Variants in FGGY observed in about 807,000 individuals in gnomAD.
The protein encoded by FGGY is FGGY carbohydrate kinase domain-containing protein.
A neutral mutation model predicts 71.3 loss-of-function variants in FGGY; 72 were observed. The observed-to-expected ratio is 1.01, with a 90% confidence interval of 0.84 to 1.23. The LOEUF (loss-of-function observed/expected upper bound fraction) is 1.23. Ranked by LOEUF, FGGY falls within the 50% of genes most tolerant of loss-of-function variation. The pLI is 0.00. For synonymous variants in FGGY, 251 were observed against 250.3 expected, an observed-to-expected ratio of 1.00 and a Z score of -0.02; for missense variants, 668 against 682.3, an observed-to-expected ratio of 0.98 and a Z score of 0.23.
intron 9 of FGGY, among the ~76,000 whole-genome samples, chr1:59,611,861 T>A (rs2096684921): frequency 6.6e-6 from 1 of 152,174 alleles, no homozygotes; most frequent in African/African-American, 2.4e-5. Context: ...TGCACAAGCC[T>A]CAGTAGCCGA....
chr1:59,726,509 C>G (rs2097949771), intron 14 of FGGY, among the ~76,000 whole-genome samples: 2 of 151,930 alleles, frequency 1.3e-5, no homozygotes, highest in African/African-American at 4.8e-5. Flanking sequence ...GGTATAATTT[C>G]TTCCTTAAAT....
intron 9 of FGGY, among the ~76,000 whole-genome samples, chr1:59,611,376 T>A (rs1486760099): frequency 1.3e-5 from 2 of 152,116 alleles, no homozygotes; most frequent in Non-Finnish European, 2.9e-5. Flanking sequence ...CAGCCTCCAC[T>A]GGTGATACTC....
At chr1:59,532,683 G>A (rs952221781) in intron 7 of FGGY, among the ~76,000 whole-genome samples, 1 of 151,650 alleles carries the variant, frequency 6.6e-6, no homozygotes, top group Non-Finnish European at 1.5e-5. Flanking sequence ...TATCAACAAA[G>A]AAAAAAACAT....
At chr1:59,570,421 C>T (rs72917774) in intron 8 of FGGY, among the ~76,000 whole-genome samples, 2 of 152,214 alleles carry the variant, frequency 1.3e-5, no homozygotes, top group Non-Finnish European at 2.9e-5. Context: ...CAGTTCCTGC[C>T]AGATTTGGAG....
In FGGY at chr1:59,624,303, G is replaced by A. The variant is rs6674840; in HGVS notation, c.1012-1685G>A. 7.6e-3 allele frequency among the ~76,000 whole-genome samples: 1,161 copies of A among 152,178 alleles called. 17 individuals are homozygous for A. The highest frequency in any genetic ancestry group is 0.027 in the African/African-American group (1,105 of 41,522). The stretch of plus-strand genomic sequence containing the variant: ...CTGCAGTTTGAGACCTAGATTTGTC[G>A]TTACTTTACTGTGACCTTGGGCAAG... On this transcript the variant is annotated intron_variant, in intron 9 of 15. Transcript: ENST00000303721.
At chr1:59,346,947 CTTTT>C (rs71580898) in intron 4 of FGGY, among the ~76,000 whole-genome samples, 1 of 112,192 alleles carries the variant, frequency 8.9e-6, no homozygotes, top group East Asian at 2.5e-4. Context: ...AAAATCAATT[CTTTT>C]TTTTTTTTTT....
At chr1:59,479,803 A>G (rs1256957578) in intron 6 of FGGY, among the ~76,000 whole-genome samples, 1 of 152,216 alleles carries the variant, frequency 6.6e-6, no homozygotes, top group African/African-American at 2.4e-5. Flanking sequence ...TGAATTTATT[A>G]TAAATCTGCC....
intron 14 of FGGY, among the ~76,000 whole-genome samples, chr1:59,738,250 G>C (rs968516782): frequency 7.2e-5 from 11 of 152,192 alleles, no homozygotes; most frequent in Admixed American, 2.6e-4. Flanking sequence ...TGTCTGAAGA[G>C]ATCTATGCTG....
At position 59,716,817 on chromosome 1, in the gene FGGY, C is replaced by T. The variant is rs533322760; in HGVS notation, c.1513-41114C>T. Among the ~76,000 whole-genome samples the T allele has an allele frequency of 5.3e-5, 8 of 152,210 alleles. No homozygotes were observed. The East Asian group carries it at 1.3e-3, about 26-fold the overall frequency. On this transcript the variant is annotated intron_variant, in intron 14 of 15. Transcript: ENST00000303721. ...TAAAAAGGAGAGGCTCAGATTCAGGCATGATGGAAGCGGGAAAAGGAACCA... is the reference window on the plus strand; with the variant it reads ...TAAAAAGGAGAGGCTCAGATTCAGGTATGATGGAAGCGGGAAAAGGAACCA...
intron 4 of FGGY, among the ~76,000 whole-genome samples, chr1:59,352,387 C>G (rs1570835667): frequency 6.6e-6 from 1 of 152,292 alleles, no homozygotes; most frequent in Non-Finnish European, 1.5e-5. Context: ...GTCAGCAGAG[C>G]AGAAAGCTAA....
intron 12 of FGGY, among the ~76,000 whole-genome samples, chr1:59,664,117 A>G (rs531482846): frequency 1.3e-5 from 2 of 152,344 alleles, no homozygotes; most frequent in South Asian, 4.1e-4. Flanking sequence ...TGCAGAACAG[A>G]CCCTTAAAAG....
At chr1:59,523,148 C>T (rs2094883168) in intron 7 of FGGY, among the ~76,000 whole-genome samples, 1 of 152,174 alleles carries the variant, frequency 6.6e-6, no homozygotes, top group Admixed American at 6.5e-5. Flanking sequence ...GGAGGACTTC[C>T]TACTCCAAGT....
chr1:59,694,287 TTAAATAAATAAATAAATAAA>T (rs10590302), intron 14 of FGGY, among the ~76,000 whole-genome samples: 6,549 of 143,766 alleles, frequency 0.046, 503 homozygotes, highest in African/African-American at 0.16. Context: ...AGACTCCGTC[TTAAATAAATAAATAAATAAA>T]TAAATAAATA....
chr1:59,703,784 T>A (rs1253425535), intron 14 of FGGY, among the ~76,000 whole-genome samples: 1 of 152,214 alleles, frequency 6.6e-6, no homozygotes, highest in Non-Finnish European at 1.5e-5. Flanking sequence ...CATTTGACTT[T>A]GCTTTCCCCT....
At chr1:59,431,335 C>T (rs1265849990) in intron 5 of FGGY, among the ~76,000 whole-genome samples, 1 of 152,206 alleles carries the variant, frequency 6.6e-6, no homozygotes, top group Non-Finnish European at 1.5e-5. Flanking sequence ...CTCCCTGACT[C>T]TCCAGTCTTA....
intron 7 of FGGY, among the ~76,000 whole-genome samples, chr1:59,550,688 G>C (rs2095595459): frequency 6.6e-6 from 1 of 152,162 alleles, no homozygotes; most frequent in African/African-American, 2.4e-5. Flanking sequence ...CAGAATTGGG[G>C]CTGAAACTCT....
chr1:59,301,257 T>A (rs1097235), intron 1 of FGGY, among the ~76,000 whole-genome samples: 3,075 of 152,326 alleles, frequency 0.02, 103 homozygotes, highest in African/African-American at 0.071. Context: ...TTATGTATTT[T>A]AAAAATTTAT....
At chr1:59,551,398 C>A (rs980120578) in intron 7 of FGGY, among the ~76,000 whole-genome samples, 3 of 152,150 alleles carry the variant, frequency 2.0e-5, no homozygotes, top group African/African-American at 7.2e-5. Context: ...TATTGACTGA[C>A]CCTGTAACAT....
At chr1:59,546,535 G>GATGATT (rs1399823769) in intron 7 of FGGY, among the ~76,000 whole-genome samples, 11 of 129,348 alleles carry the variant, frequency 8.5e-5, no homozygotes, top group East Asian at 2.5e-4. Flanking sequence ...TGATGATGAT[G>GATGATT]ATTATTATTA....
Sources: gnomAD v4.1 joint callset for allele counts (sites outside exome capture counted in the v4.1 genomes callset) on GRCh38, gnomAD v4.1.1 for gene constraint, MANE v1.5 for transcripts, NCBI Gene and HGNC (gene_info 2026-07-23, HGNC 2026-07-21) for gene names.